KDM4B: variants seen among roughly 807,000 people sequenced by gnomAD.
KDM4B encodes the protein lysine demethylase 4B, also known as lysine-specific demethylase 4B.
KDM4B carries 32 observed loss-of-function variants against 125.2 expected under a neutral mutation model. The ratio of observed to expected loss-of-function variants is 0.26; its 90% CI spans 0.19 to 0.34. The LOEUF (loss-of-function observed/expected upper bound fraction) is 0.34, where lower values mean the gene tolerates loss of function less well. Ranked by LOEUF, KDM4B falls within the 10% of genes least tolerant of loss-of-function variation. The pLI is 1.00. For synonymous variants in KDM4B, 721 were observed against 677.9 expected, an observed-to-expected ratio of 1.06 and a Z score of -0.99; for missense variants, 1,190 against 1,577.7, an observed-to-expected ratio of 0.75 and a Z score of 4.16.
intron 9 of KDM4B, among the ~76,000 whole-genome samples, chr19:5,106,762 G>A (rs560812241): frequency 5.3e-5 from 8 of 152,242 alleles, no homozygotes; most frequent in South Asian, 2.1e-4. Flanking sequence ...GGCACCAAGA[G>A]GGGGGGCCTT....
intron 6 of KDM4B, among the ~76,000 whole-genome samples, chr19:5,056,887 GGCGGGGA>G (rs2037415371): frequency 1.8e-5 from 1 of 56,944 alleles, no homozygotes; most frequent in Non-Finnish European, 3.3e-5. Flanking sequence ...GGGACGCTGG[GGCGGGGA>G]GTCCTGGGGC....
At chr19:5,049,206 G>A (rs1459710001) in intron 6 of KDM4B, among the ~76,000 whole-genome samples, 1 of 152,122 alleles carries the variant, frequency 6.6e-6, no homozygotes, top group Non-Finnish European at 1.5e-5. Flanking sequence ...GGATGCGCCA[G>A]GAGCCGAGGG....
chr19:5,042,694 C>T (rs563628844), intron 5 of KDM4B, among the ~76,000 whole-genome samples: 2 of 151,278 alleles, frequency 1.3e-5, no homozygotes, highest in African/African-American at 2.4e-5. Context: ...GGGGGGGCGC[C>T]GTAGGCTTTT....
intron 6 of KDM4B, among the ~76,000 whole-genome samples, chr19:5,068,300 G>A (rs2037839677): frequency 6.6e-6 from 1 of 152,184 alleles, no homozygotes; most frequent in Non-Finnish European, 1.5e-5. Flanking sequence ...CCGTGCATCT[G>A]CTTCAGTCCG....
rs181980134 is a variant in KDM4B, at chr19:5,045,210, G to A, written c.433-2266G>A. On this transcript the variant is annotated intron_variant, in intron 5 of 22. Coordinates refer to ENST00000159111, the MANE Select transcript of KDM4B (RefSeq NM_015015.3). ...GGGCCCCGCTTCCCCGCCCCCATCT[G>A]GAGTTGTCGGTGTTGTGCATCCTGG... 3.3e-5 allele frequency among the ~76,000 whole-genome samples: 5 copies of A among 152,314 alleles called. No individual in the cohort carries two copies. In the East Asian group the frequency reaches 9.7e-4, roughly 29 times the overall value.
rs1396172773 is a variant in KDM4B, at chr19:5,142,008, G to A, written c.2551-1959G>A. Among the ~76,000 whole-genome samples, 1 of 152,212 alleles carries A rather than the reference G, an allele frequency of 6.6e-6. No individual in the cohort carries two copies. The highest frequency in any genetic ancestry group is 6.5e-5 in the Admixed American group (1 of 15,288). ...GGGTTGGGGTTGTTTGCGAAAGCAG[G>A]TTGGTGGACAGCCACTGCGCCTCAG... On this transcript the variant is annotated intron_variant, in intron 18 of 22. Coordinates refer to ENST00000159111, the MANE Select transcript of KDM4B (RefSeq NM_015015.3). This position sits in a 1 kb window ranked among gnomAD's most constrained non-coding sequence, Gnocchi z 5.4.
intron 2 of KDM4B, among the ~76,000 whole-genome samples, chr19:5,021,551 C>T (rs907497465): frequency 3.3e-5 from 5 of 151,472 alleles, no homozygotes; most frequent in Admixed American, 2.6e-4. Context: ...CCAGCCTGGG[C>T]GATACAGCAA....
At chr19:5,148,012 C>G (rs996861703) in intron 21 of KDM4B, among the ~76,000 whole-genome samples, 6 of 152,106 alleles carry the variant, frequency 3.9e-5, no homozygotes, top group Admixed American at 3.9e-4. Flanking sequence ...ACAGCGAGGC[C>G]GAGTGGCTGA....
chr19:5,012,649 G>C (rs1026755446), intron 1 of KDM4B, among the ~76,000 whole-genome samples: 8 of 152,234 alleles, frequency 5.3e-5, no homozygotes, highest in Non-Finnish European at 1.0e-4. Context: ...ATTGGGGTGT[G>C]TCTGGCATTT....
intron 1 of KDM4B, among the ~76,000 whole-genome samples, chr19:5,005,901 C>T (rs1341943198): frequency 2.0e-5 from 3 of 152,114 alleles, no homozygotes; most frequent in Non-Finnish European, 4.4e-5. Flanking sequence ...CTGCAGTCAC[C>T]GCGTCCTCCT....
chr19:5,134,759 C>T (rs190879935), intron 14 of KDM4B, among the ~76,000 whole-genome samples: 26 of 152,196 alleles, frequency 1.7e-4, no homozygotes, highest in East Asian at 1.4e-3. Context: ...GTGCGCCGGC[C>T]GGGTCTGGGT....
chr19:5,024,485 C>T (rs949863456), intron 2 of KDM4B, among the ~76,000 whole-genome samples: 3 of 152,148 alleles, frequency 2.0e-5, no homozygotes, highest in Admixed American at 2.0e-4. Flanking sequence ...GGAAGCGTCC[C>T]TCACTTGTTC....
At chr19:5,106,766 G>A (rs1298623429) in intron 9 of KDM4B, among the ~76,000 whole-genome samples, 2 of 152,176 alleles carry the variant, frequency 1.3e-5, no homozygotes, top group African/African-American at 2.4e-5. Flanking sequence ...CCAAGAGGGG[G>A]GGCCTTGCTT....
intron 6 of KDM4B, among the ~76,000 whole-genome samples, chr19:5,064,150 G>A (rs2037693017): frequency 6.6e-6 from 1 of 152,210 alleles, no homozygotes; most frequent in African/African-American, 2.4e-5. Flanking sequence ...TGCAACTTGG[G>A]GTCCCGGGGG....
chr19:5,091,352 G>A (rs1339263186), intron 9 of KDM4B, among the ~76,000 whole-genome samples: 1 of 152,228 alleles, frequency 6.6e-6, no homozygotes, highest in African/African-American at 2.4e-5. Context: ...CCTGCCAGCT[G>A]TCTGTGGGTG....
chr19:5,057,080 A>C, intron 6 of KDM4B, among the ~76,000 whole-genome samples: 1 of 124,244 alleles, frequency 8.0e-6, no homozygotes, highest in African/African-American at 3.3e-5. Flanking sequence ...GCGCGCGCGT[A>C]TGTTAGCAAA....
intron 9 of KDM4B, among the ~76,000 whole-genome samples, chr19:5,086,449 T>G (rs2038500406): frequency 6.6e-6 from 1 of 152,140 alleles, no homozygotes; most frequent in African/African-American, 2.4e-5. Flanking sequence ...GAAACTGAAA[T>G]CTCACCCACA....
intron 2 of KDM4B, among the ~76,000 whole-genome samples, chr19:5,022,377 G>A (rs1196336642): frequency 6.6e-6 from 1 of 152,166 alleles, no homozygotes; most frequent in African/African-American, 2.4e-5. Flanking sequence ...CCGCCCGAGG[G>A]CCACCGTGCT....
intron 9 of KDM4B, 70 bp from the exon 10 acceptor site, chr19:5,110,552 C>T (rs2039120120): frequency 6.6e-6 from 10 of 1,519,542 alleles, no homozygotes; most frequent in Admixed American, 1.7e-5. Context: ...CCTACCTGCT[C>T]TGGGGTGGGG....
Sources: gnomAD v4.1 joint callset for allele counts (sites outside exome capture counted in the v4.1 genomes callset) on GRCh38, gnomAD v4.1.1 for gene constraint, Gnocchi (gnomAD v3.1) non-coding constraint, MANE v1.5 for transcripts, NCBI Gene and HGNC (gene_info 2026-07-23, HGNC 2026-07-21) for gene names.